Variants in NTNG1 observed in about 807,000 individuals in gnomAD.
NTNG1 encodes netrin-G1.
Under a neutral mutation model 54.0 loss-of-function variants are expected in NTNG1, and 16 were observed. That is an observed-to-expected ratio of 0.30 (90% CI 0.20 to 0.45). The LOEUF (loss-of-function observed/expected upper bound fraction) is 0.45, where lower values mean the gene tolerates loss of function less well. NTNG1 is among the 20% of genes least tolerant of loss of function. The probability of loss-of-function intolerance (pLI) is 1.00; values close to 1 mark genes in which losing one functional copy is unlikely to be tolerated. For missense variants in NTNG1, 530 were observed against 678.7 expected, an observed-to-expected ratio of 0.78 and a Z score of 2.43; for synonymous variants, 255 against 263.1, an observed-to-expected ratio of 0.97 and a Z score of 0.30.
At chr1:107,161,800 A>G (rs1655425474) in intron 2 of NTNG1, among the ~76,000 whole-genome samples, 1 of 151,440 alleles carries the variant, frequency 6.6e-6, no homozygotes, top group Non-Finnish European at 1.5e-5. Flanking sequence ...CTTTGTCCCT[A>G]TTTCCCTAAG....
intron 1 of NTNG1, among the ~76,000 whole-genome samples, chr1:107,146,613 A>G (rs576890547): frequency 1.3e-5 from 2 of 152,214 alleles, no homozygotes; most frequent in African/African-American, 4.8e-5. Context: ...TAGTTTATAC[A>G]TATTTAGACA....
chr1:107,204,267 G>A (rs182550898), intron 2 of NTNG1, among the ~76,000 whole-genome samples: 36 of 152,152 alleles, frequency 2.4e-4, no homozygotes, highest in African/African-American at 8.4e-4. Context: ...TGCTATTTCC[G>A]TTGAGTCACG....
At chr1:107,418,704 A>G (rs1050252547) in intron 5 of NTNG1, 3 of 1,083,204 alleles carry the variant, frequency 2.8e-6, no homozygotes, top group South Asian at 2.8e-5. Context: ...GGAAAATCCT[A>G]TATGCCATTT....
chr1:107,171,766 C>T (rs977551719), intron 2 of NTNG1, among the ~76,000 whole-genome samples: 2 of 152,292 alleles, frequency 1.3e-5, no homozygotes, highest in Admixed American at 6.5e-5. Flanking sequence ...GGAGATTCTG[C>T]AGTGACAACT....
intron 3 of NTNG1, among the ~76,000 whole-genome samples, chr1:107,363,779 A>C (rs1344134639): frequency 6.6e-6 from 1 of 152,232 alleles, no homozygotes. Flanking sequence ...ATTCAATTTA[A>C]CATTTAATCG....
intron 2 of NTNG1, among the ~76,000 whole-genome samples, chr1:107,295,043 C>A (rs756220736): frequency 1.3e-5 from 2 of 152,158 alleles, no homozygotes; most frequent in Non-Finnish European, 2.9e-5. Context: ...TTGAAAATAA[C>A]TTTCAATTAA....
intron 3 of NTNG1, among the ~76,000 whole-genome samples, chr1:107,342,922 T>G (rs2101931278): frequency 6.6e-6 from 1 of 152,248 alleles, no homozygotes; most frequent in African/African-American, 2.4e-5. Context: ...CCTATCCCTG[T>G]GCCTCCTAAA....
chr1:107,318,330 A>G (rs1217431749), intron 2 of NTNG1, among the ~76,000 whole-genome samples: 2 of 152,054 alleles, frequency 1.3e-5, no homozygotes, highest in Non-Finnish European at 2.9e-5. Flanking sequence ...ATAGTATCAC[A>G]CTGCTTGTAT....
rs371451658 is a variant in NTNG1 at position 107,412,296 on chromosome 1, T to C, written c.1087+4588T>C. 4.6e-5 allele frequency among the ~76,000 whole-genome samples: 7 copies of C among 152,344 alleles called. No individual in the cohort carries two copies. In the East Asian group the frequency reaches 7.7e-4, roughly 17 times the overall value. On this transcript the variant is annotated intron_variant, in intron 5 of 7. Transcript: ENST00000370068. ...ATGTGGCTATCAATTGAAGTCTTCT[T>C]GGACTATCAATGGAGAGCTGTCCAA...
chr1:107,346,409 A>C (rs1669237702), intron 3 of NTNG1, among the ~76,000 whole-genome samples: 1 of 152,178 alleles, frequency 6.6e-6, no homozygotes, highest in Admixed American at 6.5e-5. Flanking sequence ...GTGGGAACTT[A>C]CCAGATAACT....
intron 7 of NTNG1, among the ~76,000 whole-genome samples, chr1:107,445,430 T>C (rs1676249315): frequency 6.6e-6 from 1 of 152,120 alleles, no homozygotes; most frequent in South Asian, 2.1e-4. Context: ...TATTTTAAAA[T>C]AATAAAAAGT....
intron 3 of NTNG1, 72 bp from the exon 4 acceptor site, chr1:107,395,082 A>T (rs1672596276): frequency 8.1e-7 from 1 of 1,229,042 alleles, no homozygotes; most frequent in East Asian, 2.3e-5. Context: ...TGAGGAGACA[A>T]ATCAGGGAAG....
At chr1:107,354,073 C>G (rs1669788257) in intron 3 of NTNG1, among the ~76,000 whole-genome samples, 1 of 152,200 alleles carries the variant, frequency 6.6e-6, no homozygotes, top group Non-Finnish European at 1.5e-5. Context: ...GGTGGAGACA[C>G]AGACCCAAAC....
intron 5 of NTNG1, among the ~76,000 whole-genome samples, chr1:107,411,033 T>G (rs1673764451): frequency 6.6e-6 from 1 of 152,102 alleles, no homozygotes; most frequent in Admixed American, 6.6e-5. Context: ...TTGAAATAAA[T>G]AGAATTTTTT....
chr1:107,342,423 G>A (rs959731626), intron 3 of NTNG1, among the ~76,000 whole-genome samples: 5 of 151,952 alleles, frequency 3.3e-5, no homozygotes, highest in African/African-American at 1.2e-4. Flanking sequence ...TATAAAGGAG[G>A]GCTCTGTACA....
At chr1:107,385,147 G>A (rs1671879246) in intron 3 of NTNG1, among the ~76,000 whole-genome samples, 2 of 152,128 alleles carry the variant, frequency 1.3e-5, no homozygotes, top group African/African-American at 4.8e-5. Context: ...TATATACCAG[G>A]CCCTGTGTTC....
intron 7 of NTNG1, among the ~76,000 whole-genome samples, chr1:107,468,759 C>T (rs569406559): frequency 2.6e-5 from 4 of 152,156 alleles, no homozygotes; most frequent in Admixed American, 1.3e-4. Flanking sequence ...GTGTTGCTAG[C>T]AATGCCCAGA....
At chr1:107,290,735 CAT>C (rs756696185) in intron 2 of NTNG1, among the ~76,000 whole-genome samples, 7 of 151,704 alleles carry the variant, frequency 4.6e-5, no homozygotes, top group Non-Finnish European at 4.4e-5. Context: ...CGTGCTATAA[CAT>C]ATAAAGCAAG....
intron 7 of NTNG1, among the ~76,000 whole-genome samples, chr1:107,470,024 T>C (rs1047343822): frequency 1.3e-5 from 2 of 152,206 alleles, no homozygotes; most frequent in East Asian, 3.9e-4. Context: ...AAGATGGTCA[T>C]CCGTTGGGTT....
Sources: gnomAD v4.1 joint callset for allele counts (sites outside exome capture counted in the v4.1 genomes callset) on GRCh38, gnomAD v4.1.1 for gene constraint, MANE v1.5 for transcripts, NCBI Gene and HGNC (gene_info 2026-07-23, HGNC 2026-07-21) for gene names.